YEATS2: variants seen among roughly 807,000 people sequenced by gnomAD.
YEATS2 encodes YEATS domain-containing protein 2.
Under a neutral mutation model 163.2 loss-of-function variants are expected in YEATS2, and 77 were observed. That is an observed-to-expected ratio of 0.47 (90% CI 0.39 to 0.57). YEATS2 has a LOEUF of 0.57. Ranked by LOEUF, YEATS2 falls within the 20% of genes least tolerant of loss-of-function variation. The pLI is 0.00. For missense variants in YEATS2, 1,549 were observed against 1,729.8 expected, an observed-to-expected ratio of 0.90 and a Z score of 1.85; for synonymous variants, 631 against 645.1, an observed-to-expected ratio of 0.98 and a Z score of 0.33.
chr3:183,748,218 T>C (rs1387922808), intron 9 of YEATS2, among the ~76,000 whole-genome samples: 3 of 148,130 alleles, frequency 2.0e-5, no homozygotes, highest in African/African-American at 7.4e-5. Context: ...TCCTTCTCCC[T>C]TCCCTTTCCC....
intron 3 of YEATS2, among the ~76,000 whole-genome samples, chr3:183,718,009 C>T (rs1420438116): frequency 2.6e-5 from 4 of 151,968 alleles, no homozygotes; most frequent in Admixed American, 6.6e-5. Flanking sequence ...AGGGTGACTA[C>T]AGTCAACAAT....
chr3:183,809,803 G>T (rs1726613225), intron 30 of YEATS2, among the ~76,000 whole-genome samples: 1 of 152,216 alleles, frequency 6.6e-6, no homozygotes, highest in Non-Finnish European at 1.5e-5. Context: ...ATTGCATTAT[G>T]CTAAAGGCTG....
In YEATS2 at chr3:183,754,265, A is replaced by T; in HGVS notation, c.1290A>T (p.Ile430=). 6.2e-7 allele frequency: 1 copy of T among 1,614,206 alleles called. No homozygotes were observed. Residue 430 remains isoleucine, a synonymous_variant, in exon 11 of 31, where the codon ATA becomes ATT. Coordinates refer to ENST00000305135, the MANE Select transcript of YEATS2 (RefSeq NM_018023.5). ...ATGGCAATTCAGCTTTCCAGCCAAT[A>T]GCATCAAGCTGCAAAATTGTTCCAC... ...CSHGNSAFQP[I]ASSCKIVPQS... is the part of the protein sequence containing the mutation.
chr3:183,739,235 T>C (rs1718692917), intron 8 of YEATS2, among the ~76,000 whole-genome samples: 1 of 151,824 alleles, frequency 6.6e-6, no homozygotes, highest in Non-Finnish European at 1.5e-5. Context: ...CAAAATCTCC[T>C]TAAGCTGATA....
At chr3:183,705,844 C>G (rs1714561325) in intron 1 of YEATS2, among the ~76,000 whole-genome samples, 2 of 151,966 alleles carry the variant, frequency 1.3e-5, no homozygotes, top group African/African-American at 4.8e-5. Context: ...TCGAGACCAT[C>G]CTGGCTAACA....
intron 15 of YEATS2, among the ~76,000 whole-genome samples, chr3:183,767,914 T>G (rs1722072865): frequency 6.6e-6 from 1 of 152,164 alleles, no homozygotes; most frequent in Non-Finnish European, 1.5e-5. Flanking sequence ...GTCAGGTGCA[T>G]GTAATGTGGG....
chr3:183,761,029 C>T (rs77038981), intron 13 of YEATS2, among the ~76,000 whole-genome samples: 2,228 of 152,210 alleles, frequency 0.015, 27 homozygotes, highest in Middle Eastern at 0.068. Context: ...CATTTGTTTT[C>T]TAAAACAATA....
chr3:183,707,221 C>T (rs1345512376), intron 1 of YEATS2, among the ~76,000 whole-genome samples: 1 of 152,236 alleles, frequency 6.6e-6, no homozygotes, highest in Non-Finnish European at 1.5e-5. Context: ...CTTCATTCCT[C>T]TTCCCAGTCA....
At chr3:183,786,098 T>G in intron 19 of YEATS2, 27 bp from the exon 20 acceptor site, 2 of 1,603,740 alleles carry the variant, frequency 1.2e-6, no homozygotes, top group Non-Finnish European at 1.7e-6. Flanking sequence ...GGCAACATGA[T>G]TATTTCTGCC....
chr3:183,807,039 T>C lies in YEATS2; in HGVS notation c.3958T>C (p.Phe1320Leu). 1 of 1,614,086 alleles carries C rather than the reference T, an allele frequency of 6.2e-7. No homozygotes were observed. Among genetic ancestry groups the C allele is most frequent in the Non-Finnish European group, 8.5e-7 (1 of 1,180,022 alleles). Reference sequence around the variant, plus strand: ...GGAAGAGAAACAAGAGGAAGTCAAGTTCTACCTGCCACCAACCCCAGGGTC... The same window carrying C: ...GGAAGAGAAACAAGAGGAAGTCAAGCTCTACCTGCCACCAACCCCAGGGTC... ...EQEEKQEEVKFYLPPTPGSEF... is the reference protein window; with the variant it reads ...EQEEKQEEVKLYLPPTPGSEF... Residue 1320 changes from phenylalanine (F) to leucine (L), a missense_variant, in exon 28 of 31, where the codon TTC becomes CTC. Coordinates refer to ENST00000305135, the MANE Select transcript of YEATS2 (RefSeq NM_018023.5).
chr3:183,803,928 G>A (rs1424350046), intron 26 of YEATS2, 59 bp from the exon 27 acceptor site: 28 of 1,563,786 alleles, frequency 1.8e-5, no homozygotes, highest in African/African-American at 1.8e-4. Context: ...TGCATGATAC[G>A]TAGTTGTGTT....
chr3:183,807,380 G>C, intron 28 of YEATS2: 1 of 373,646 alleles, frequency 2.7e-6, no homozygotes, highest in Non-Finnish European at 5.0e-6. Flanking sequence ...AGATAGAAAT[G>C]GTTGATTACT....
intron 27 of YEATS2, 54 bp from the exon 28 acceptor site, chr3:183,806,812 A>G: frequency 6.3e-7 from 1 of 1,583,474 alleles, no homozygotes; most frequent in Non-Finnish European, 8.7e-7. Context: ...GGAGACGGAA[A>G]GTCCTCTTCC....
intron 2 of YEATS2, among the ~76,000 whole-genome samples, chr3:183,716,193 T>A (rs1715858097): frequency 6.6e-6 from 1 of 152,146 alleles, no homozygotes; most frequent in South Asian, 2.1e-4. Flanking sequence ...TCTCCTGACC[T>A]CGTGATCCAC....
At chr3:183,799,822 T>A (rs1725491640) in intron 23 of YEATS2, among the ~76,000 whole-genome samples, 1 of 151,084 alleles carries the variant, frequency 6.6e-6, no homozygotes, top group African/African-American at 2.4e-5. Context: ...GCATTGTTTT[T>A]TTTTTTTTTC....
chr3:183,712,184 G>GTTATTTTATT (rs1384248257), intron 1 of YEATS2, among the ~76,000 whole-genome samples: 14 of 121,304 alleles, frequency 1.2e-4, no homozygotes, highest in African/African-American at 4.3e-4. Context: ...AGCATTTTAT[G>GTTATTTTATT]TTCTTTTATT....
intron 16 of YEATS2, 114 bp from the exon 17 acceptor site, chr3:183,773,519 A>C: frequency 9.6e-7 from 1 of 1,045,768 alleles, no homozygotes; most frequent in Non-Finnish European, 1.4e-6. Context: ...ACAAACTTTG[A>C]ATTTATTGCT....
At chr3:183,760,320 T>G (rs1213485548) in intron 13 of YEATS2, among the ~76,000 whole-genome samples, 3 of 144,760 alleles carry the variant, frequency 2.1e-5, no homozygotes, top group Non-Finnish European at 4.5e-5. Flanking sequence ...AGAATTTTTT[T>G]TTTTTTTTTT....
intron 15 of YEATS2, among the ~76,000 whole-genome samples, chr3:183,767,465 C>G (rs191824143): frequency 3.4e-4 from 52 of 152,096 alleles, no homozygotes; most frequent in African/African-American, 1.2e-3. Flanking sequence ...ACTACAACCT[C>G]CGCCTCTTGG....
Sources: allele counts gnomAD v4.1 joint callset (sites outside exome capture counted in the v4.1 genomes callset), GRCh38; gene constraint gnomAD v4.1.1; transcripts MANE v1.5; gene names NCBI Gene and HGNC (gene_info 2026-07-23, HGNC 2026-07-21).